Variants in DNPH1 observed in about 807,000 individuals in gnomAD.
The protein encoded by DNPH1 is 2'-deoxynucleoside 5'-phosphate N-hydrolase 1.
DNPH1 carries 18 observed loss-of-function variants against 15.7 expected under a neutral mutation model. The observed-to-expected ratio is 1.15, with a 90% CI of 0.79 to 1.70. The LOEUF is 1.70. Ranked by LOEUF, DNPH1 falls within the 40% of genes most tolerant of loss-of-function variation. DNPH1 has a pLI of 0.00. For synonymous variants in DNPH1, 114 were observed against 107.9 expected (o/e 1.06, Z -0.35); for missense variants, 262 against 255.2 (o/e 1.03, Z -0.18).
chr6:43,228,561 C>T (rs1221247840), intron 1 of DNPH1, among the ~76,000 whole-genome samples: 1 of 151,774 alleles, frequency 6.6e-6, no homozygotes, highest in Non-Finnish European at 1.5e-5. Flanking sequence ...GGCGGTGGCT[C>T]CTGTCTGTAA....
Position 43,229,368 on chromosome 6 carries a change from C to G in DNPH1, c.89G>C (p.Arg30Pro). The G allele has an allele frequency of 6.7e-7, 1 of 1,486,142 alleles. No individual in the cohort carries two copies. The allele number at this position is 1,486,142 out of a possible 1,614,324, so 92.1% of individuals were successfully genotyped here. ...CAGCGTCCTGTCCTCGCGTCCGCCGCGAATGCTCCCGCAGAAGTACAGGGC... is the reference window on the plus strand; with the variant it reads ...CAGCGTCCTGTCCTCGCGTCCGCCGGGAATGCTCCCGCAGAAGTACAGGGC... ...RPALYFCGSI[R>P]GGREDRTLYE... is the part of the protein sequence containing the mutation. The change falls in exon 1 of 4, where the codon CGC (arginine) becomes CCC (proline). Residue 30 changes from arginine (R) to proline (P), a missense_variant. Coordinates refer to ENST00000230431, the MANE Select transcript of DNPH1 (RefSeq NM_006443.3).
At position 43,226,497 on chromosome 6, in the gene DNPH1, G is replaced by A. The variant is rs191908110; in HGVS notation, c.197-102C>T. 116 of 1,036,550 alleles carry A rather than the reference G, an allele frequency of 1.1e-4. No homozygotes were observed. In the African/African-American group the frequency reaches 1.8e-3, roughly 16 times the overall value. The allele number at this position is 1,036,550 out of a possible 1,614,324, so 64.2% of individuals were successfully genotyped here. A position where few individuals can be genotyped will look rare whatever the true frequency, so the allele number is the denominator to read the frequency against. The stretch of plus-strand genomic sequence containing the variant: ...CCCACCCTGCTCAGGGAGGGTGGGA[G>A]CCTTGTGCCAGATGACCTGACCAAA... On this transcript the variant is annotated intron_variant, in intron 1 of 3. Coordinates refer to ENST00000230431, the MANE Select transcript of DNPH1 (RefSeq NM_006443.3). The surrounding 1 kb of genome is among the most constrained non-coding windows in gnomAD (Gnocchi z 4.1).
rs1776748280 is a variant in DNPH1 at position 43,226,659 on chromosome 6, G to A, written c.197-264C>T. 1 of 505,624 alleles carries A rather than the reference G, an allele frequency of 2.0e-6. No homozygotes were observed. The highest frequency in any genetic ancestry group is 2.0e-5 in the African/African-American group (1 of 51,172). 31.3% of individuals were successfully genotyped at this position (505,624 alleles called of 1,614,324 possible). On this transcript the variant is annotated intron_variant, in intron 1 of 3. Coordinates refer to ENST00000230431, the MANE Select transcript of DNPH1 (RefSeq NM_006443.3). This position sits in a 1 kb window ranked among gnomAD's most constrained non-coding sequence, Gnocchi z 4.1. Reference sequence around the variant, plus strand: ...CTAACTGTGGATGACATTGATTAGGGAAAGGTGCATGGGCACTTAGCCAAA... The same window carrying A: ...CTAACTGTGGATGACATTGATTAGGAAAAGGTGCATGGGCACTTAGCCAAA...
intron 1 of DNPH1, among the ~76,000 whole-genome samples, chr6:43,227,498 C>T (rs1776760156): frequency 6.6e-6 from 1 of 152,108 alleles, no homozygotes; most frequent in African/African-American, 2.4e-5. Context: ...TCAGATGACA[C>T]TAAAGACCTG....
chr6:43,225,780 C>A lies in DNPH1; in HGVS notation c.478G>T (p.Ala160Ser). ...GCAGCCACCTGCCCTGGAGGATCAG[C>A]CTCGAAGTATCGATCCAGCAGGGCC... The part of the protein sequence containing the change: ...VEALLDRYFE[A>S]DPPGQVAASP... Residue 160 changes from alanine to serine, a missense_variant, in exon 4 of 4, where the codon GCT (alanine) becomes TCT (serine). By Grantham distance (99) the Ala-to-Ser change is moderately conservative (BLOSUM62 1). Coordinates refer to ENST00000230431, the MANE Select transcript of DNPH1 (RefSeq NM_006443.3). 6.2e-7 allele frequency: 1 copy of A among 1,614,212 alleles called. No homozygotes were observed. Among genetic ancestry groups the A allele is most frequent in the Non-Finnish European group, 8.5e-7 (1 of 1,180,044 alleles).
intron 1 of DNPH1, among the ~76,000 whole-genome samples, chr6:43,227,496 C>T (rs1280227061): frequency 6.6e-6 from 1 of 152,066 alleles, no homozygotes; most frequent in Non-Finnish European, 1.5e-5. Flanking sequence ...CCTCAGATGA[C>T]ACTAAAGACC....
chr6:43,227,155 G>A (rs951300684), intron 1 of DNPH1, among the ~76,000 whole-genome samples: 10 of 151,620 alleles, frequency 6.6e-5, no homozygotes, highest in African/African-American at 9.7e-5. Context: ...GGTGGCTCAC[G>A]CCTGTAATCC....
intron 3 of DNPH1, 62 bp from the exon 4 acceptor site, chr6:43,225,943 C>T: frequency 1.2e-6 from 2 of 1,613,720 alleles, no homozygotes; most frequent in Non-Finnish European, 1.7e-6. Context: ...TCCCTTACCC[C>T]TTGGGAGAGG....
intron 1 of DNPH1, chr6:43,229,049 A>G (rs1382994158): frequency 4.1e-6 from 2 of 487,408 alleles, no homozygotes; most frequent in Non-Finnish European, 7.6e-6. Flanking sequence ...AGTCTGCCTT[A>G]CACCCGCAGG....
Position 43,226,596 on chromosome 6 carries a change from G to A in DNPH1, c.197-201C>T, listed in dbSNP as rs897075998. On this transcript the variant is annotated intron_variant, in intron 1 of 3. Coordinates refer to ENST00000230431, the MANE Select transcript of DNPH1 (RefSeq NM_006443.3). The surrounding 1 kb of genome is among the most constrained non-coding windows in gnomAD (Gnocchi z 4.1). ...AAAAATTCAACCCTATGCAAGGTGG[G>A]ACATGTGATTAGGGCCGAATGAGGA... 4 of 576,606 alleles carry A rather than the reference G, an allele frequency of 6.9e-6. No homozygotes were observed. Among genetic ancestry groups the A allele is most frequent in the African/African-American group, 3.8e-5 (2 of 53,130 alleles). The allele number at this position is 576,606 out of a possible 1,614,324, so 35.7% of individuals were successfully genotyped here.
Position 43,226,044 on chromosome 6 carries a change from T to G in DNPH1, c.365A>C (p.Gln122Pro), listed in dbSNP as rs780916726. 20 of 1,613,684 alleles carry G rather than the reference T, an allele frequency of 1.2e-5. No homozygotes were observed. The highest frequency in any genetic ancestry group is 2.7e-5 in the African/African-American group (2 of 74,900). Residue 122 changes from glutamine (Q) to proline (P), a missense_variant, in exon 3 of 4, where the codon CAG (glutamine) becomes CCG (proline). Coordinates refer to ENST00000230431, the MANE Select transcript of DNPH1 (RefSeq NM_006443.3). The surrounding 1 kb of genome is among the most constrained non-coding windows in gnomAD (Gnocchi z 4.1). Reference protein sequence around the residue: ...NKRILCLFRPQSGRVLSAMIR... With the variant: ...NKRILCLFRPPSGRVLSAMIR... ...CTTGGGGTGCTCACCGCGGCCAGAC[T>G]GCGGGCGGAACAGGCACAGGATCCG...
At chr6:43,227,981 T>C (rs963998562) in intron 1 of DNPH1, among the ~76,000 whole-genome samples, 15 of 152,072 alleles carry the variant, frequency 9.9e-5, no homozygotes, top group African/African-American at 3.4e-4. Flanking sequence ...TCCCAGCTAC[T>C]TGGGAGGCTG....
At position 43,226,327 on chromosome 6, in the gene DNPH1, C is replaced by T. The variant is rs753238110; in HGVS notation, c.265G>A (p.Val89Met). Residue 89 changes from valine (V) to methionine (M), a missense_variant and splice_region_variant, in exon 2 of 4, where the codon GTG (valine) becomes ATG (methionine). Coordinates refer to ENST00000230431, the MANE Select transcript of DNPH1 (RefSeq NM_006443.3). The surrounding 1 kb of genome is among the most constrained non-coding windows in gnomAD (Gnocchi z 4.1). The stretch of plus-strand genomic sequence containing the variant: ...GCTGGAAGGAGGGAGCGCCACTCAC[C>T]GTCCGCCTGCTGCAGCCACTCCAGG... ...QDLEWLQQAD[V>M]VVAEVTQPSL... 48 of 1,611,994 alleles carry T rather than the reference C, an allele frequency of 3.0e-5. 1 individual carries two copies. The South Asian group carries it at 3.1e-4, about 10-fold the overall frequency.
chr6:43,228,355 G>A lies in DNPH1; in HGVS notation c.196+906C>T, dbSNP rs369234027. On this transcript the variant is annotated intron_variant, in intron 1 of 3. Coordinates refer to ENST00000230431, the MANE Select transcript of DNPH1 (RefSeq NM_006443.3). ...CTGCAGTCCTTGCTAATAGGAGGCT[G>A]AGGCTGGAGGATCATGAGTTTAGGA... is the stretch of plus-strand genomic sequence containing the variant. Among the ~76,000 whole-genome samples, 6 of 152,316 alleles carry A rather than the reference G, an allele frequency of 3.9e-5. No individual in the cohort carries two copies. The South Asian group carries it at 1.0e-3, about 26-fold the overall frequency.
chr6:43,225,729 T>TA lies in DNPH1; in HGVS notation c.*3dup, dbSNP rs1383137050. 6.2e-7 allele frequency: 1 copy of TA among 1,613,742 alleles called. No homozygotes were observed. Among genetic ancestry groups the TA allele is most frequent in the African/African-American group, 1.3e-5 (1 of 74,874 alleles). ...ATAGAAGAATTTAAGAAAGTGAGAT[T>TA]AAGTCAAGTGGTTGGGTCAGGGGAG... On this transcript the variant is annotated 3_prime_UTR_variant, in exon 4 of 4. Transcript: ENST00000230431.
intron 3 of DNPH1, 62 bp downstream of exon 3, chr6:43,225,971 A>G (rs1776724404): frequency 6.2e-7 from 1 of 1,613,222 alleles, no homozygotes; most frequent in African/African-American, 1.3e-5. Flanking sequence ...CTCAGAGCCC[A>G]CCAGGGAAGG....
chr6:43,225,956 CGGTGCTCAGAGCCCACCAGGGAA>C, intron 3 of DNPH1, 54 bp downstream of exon 3: 1 of 1,613,160 alleles, frequency 6.2e-7, no homozygotes, highest in Non-Finnish European at 8.5e-7. Flanking sequence ...GGGAGAGGCG[CGGTGCTCAGAGCCCACCAGGGAA>C]GGAGCTGAGG....
In DNPH1 at chr6:43,226,213, G is replaced by A; in HGVS notation, c.266-70C>T. On this transcript the variant is annotated intron_variant, in intron 2 of 3. Coordinates refer to ENST00000230431, the MANE Select transcript of DNPH1 (RefSeq NM_006443.3). The surrounding 1 kb of genome is among the most constrained non-coding windows in gnomAD (Gnocchi z 4.1). ...AGGTTCATAAGGAAGACGACGGTGT[G>A]GCTGTGGTGAGGAGGGAACTCTGGG... is the stretch of plus-strand genomic sequence containing the variant. 6.2e-7 allele frequency: 1 copy of A among 1,603,710 alleles called. No homozygotes were observed. Among genetic ancestry groups the A allele is most frequent in the East Asian group, 2.2e-5 (1 of 44,698 alleles).
At position 43,225,727 on chromosome 6, in the gene DNPH1, A is replaced by ATTTCTTAAATAGAAGAAT; in HGVS notation, c.*5_*6insATTCTTCTATTTAAGAAA. 6.2e-7 allele frequency: 1 copy of ATTTCTTAAATAGAAGAAT among 1,613,956 alleles called. No individual in the cohort carries two copies. The highest frequency in any genetic ancestry group is 1.1e-5 in the South Asian group (1 of 91,074). ...GAATAGAAGAATTTAAGAAAGTGAG[A>ATTTCTTAAATAGAAGAAT]TTAAGTCAAGTGGTTGGGTCAGGGG... On this transcript the variant is annotated 3_prime_UTR_variant, in exon 4 of 4. Transcript: ENST00000230431.
Sources: allele counts gnomAD v4.1 joint callset (sites outside exome capture counted in the v4.1 genomes callset), GRCh38; gene constraint gnomAD v4.1.1; non-coding constraint Gnocchi (gnomAD v3.1); transcripts MANE v1.5; gene names NCBI Gene and HGNC (gene_info 2026-07-23, HGNC 2026-07-21).